NRXN3: variants seen among roughly 807,000 people sequenced by gnomAD.
The protein encoded by NRXN3 is neurexin 3.
NRXN3 carries 32 observed loss-of-function variants against 137.6 expected under a neutral mutation model. That is an observed-to-expected ratio of 0.23 (90% CI 0.18 to 0.31). NRXN3 has a LOEUF of 0.31. NRXN3 is among the 10% of genes least tolerant of loss of function. NRXN3 has a pLI of 1.00. For synonymous variants in NRXN3, 798 were observed against 784.5 expected (o/e 1.02, Z -0.29); for missense variants, 1,574 against 2,062.5 (o/e 0.76, Z 4.59).
At chr14:79,233,730 A>C (rs3886236) in intron 15 of NRXN3, among the ~76,000 whole-genome samples, 44,517 of 151,496 alleles carry the variant, frequency 0.29, 7,167 homozygotes, top group Middle Eastern at 0.44. Flanking sequence ...CGAGGATTAG[A>C]CTTAAATTTG....
chr14:78,675,389 A>T (rs951581436), intron 6 of NRXN3, among the ~76,000 whole-genome samples: 1 of 152,222 alleles, frequency 6.6e-6, no homozygotes, highest in African/African-American at 2.4e-5. Context: ...AGAGCCCATT[A>T]TATAGAAAGG....
At chr14:79,261,723 A>G (rs1408895657) in intron 15 of NRXN3, among the ~76,000 whole-genome samples, 1 of 151,664 alleles carries the variant, frequency 6.6e-6, no homozygotes, top group Non-Finnish European at 1.5e-5. Flanking sequence ...TCCAGAATAA[A>G]CTTCCTTCTT....
rs1393594020 is a variant in NRXN3, at chr14:79,864,672, T to A, written c.*2708T>A. Reference sequence around the variant, plus strand: ...GAGGGAGTGCATTTTTCTGGAAAGATGATAGAAACATTGTATTCTAGAAAA... The same window carrying A: ...GAGGGAGTGCATTTTTCTGGAAAGAAGATAGAAACATTGTATTCTAGAAAA... On this transcript the variant is annotated 3_prime_UTR_variant, in exon 21 of 21. Transcript: ENST00000335750. The A allele has an allele frequency of 6.6e-6, 1 of 152,198 alleles. No individual in the cohort carries two copies. The highest frequency in any genetic ancestry group is 1.5e-5 in the Non-Finnish European group (1 of 68,018). The allele number at this position is 152,198 out of a possible 1,614,324, so 9.4% of individuals were successfully genotyped here. A position where few individuals can be genotyped will look rare whatever the true frequency, so the allele number is the denominator to read the frequency against.
chr14:79,163,796 C>CA (rs1596659858), intron 15 of NRXN3, among the ~76,000 whole-genome samples: 2 of 151,864 alleles, frequency 1.3e-5, no homozygotes, highest in Non-Finnish European at 2.9e-5. Flanking sequence ...CAATGAACTG[C>CA]AAAAGGTGGT....
chr14:78,786,377 G>A (rs2098789386), intron 8 of NRXN3, among the ~76,000 whole-genome samples: 1 of 152,188 alleles, frequency 6.6e-6, no homozygotes, highest in African/African-American at 2.4e-5. Context: ...GCATCCAACA[G>A]TCATTCCAAT....
In NRXN3 at chr14:78,711,432, C is replaced by CTTTTTTTTTT. The variant is rs1254367279; in HGVS notation, c.1660+1778_1660+1779insTTTTTTTTTT. ...AGCTAAAGCACTGGCTAATTCTTTT[C>CTTTTTTTTTT]TCTTTTTTTTTTTTTTTTTTTTTTT... On this transcript the variant is annotated intron_variant, in intron 7 of 20. Coordinates refer to ENST00000335750, the MANE Select transcript of NRXN3 (RefSeq NM_001330195.2). 8.3e-4 allele frequency among the ~76,000 whole-genome samples: 86 copies of CTTTTTTTTTT among 103,158 alleles called. 1 individual carries two copies. The highest frequency in any genetic ancestry group is 1.0e-3 in the Non-Finnish European group (56 of 55,438). The allele number at this position is 103,158 out of a possible 152,430, so 67.7% of individuals were successfully genotyped here.
chr14:79,583,387 C>T (rs987567653), intron 16 of NRXN3, among the ~76,000 whole-genome samples: 61 of 152,144 alleles, frequency 4.0e-4, no homozygotes, highest in Non-Finnish European at 1.6e-4. Flanking sequence ...CACTTGCCCC[C>T]TTTTTGCAGA....
intron 15 of NRXN3, among the ~76,000 whole-genome samples, chr14:79,422,438 C>T (rs1471501724): frequency 6.6e-6 from 1 of 152,168 alleles, no homozygotes; most frequent in African/African-American, 2.4e-5. Context: ...TTGATGTTCA[C>T]TACCTTCATT....
At chr14:79,571,212 T>C (rs2097597802) in intron 16 of NRXN3, among the ~76,000 whole-genome samples, 1 of 152,200 alleles carries the variant, frequency 6.6e-6, no homozygotes, top group African/African-American at 2.4e-5. Flanking sequence ...GCTTAGTGAC[T>C]ATGAGAAGAC....
chr14:79,541,819 A>T (rs969037564), intron 16 of NRXN3, among the ~76,000 whole-genome samples: 1 of 152,210 alleles, frequency 6.6e-6, no homozygotes, highest in African/African-American at 2.4e-5. Context: ...GACACACATC[A>T]TGAGGAACCA....
chr14:79,372,943 C>T (rs1237756506), intron 15 of NRXN3, among the ~76,000 whole-genome samples: 2 of 151,996 alleles, frequency 1.3e-5, no homozygotes, highest in Admixed American at 6.6e-5. Context: ...TTTTGAGATA[C>T]CCATTAAGAT....
At chr14:79,833,105 A>G (rs1328287640) in intron 20 of NRXN3, among the ~76,000 whole-genome samples, 3 of 152,206 alleles carry the variant, frequency 2.0e-5, no homozygotes, top group African/African-American at 7.2e-5. Flanking sequence ...CTTTCCTAAT[A>G]GAAGCAAGCC....
At chr14:79,664,782 C>G (rs1218338827) in intron 17 of NRXN3, among the ~76,000 whole-genome samples, 6 of 152,100 alleles carry the variant, frequency 3.9e-5, no homozygotes, top group Non-Finnish European at 1.5e-5. Context: ...AAGGGACAAC[C>G]CTTCAGCAAA....
chr14:78,733,286 A>G (rs932355961), intron 8 of NRXN3, among the ~76,000 whole-genome samples: 1 of 152,156 alleles, frequency 6.6e-6, no homozygotes, highest in Non-Finnish European at 1.5e-5. Context: ...TTCAGGGCAC[A>G]GGTATCCTGT....
In NRXN3 at chr14:78,696,397, T is replaced by C. The variant is rs1164875987; in HGVS notation, c.1222-12820T>C. Among the ~76,000 whole-genome samples the C allele has an allele frequency of 2.6e-5, 4 of 152,000 alleles. No individual in the cohort carries two copies. The East Asian group carries it at 7.7e-4, about 29-fold the overall frequency. ...GTGCCAGGAGATATTCTAAGCATGT[T>C]ACATGTATTTAACCTTCTTATTCTC... On this transcript the variant is annotated intron_variant, in intron 6 of 20. Transcript: ENST00000335750.
chr14:78,843,264 C>A (rs867846426), intron 10 of NRXN3, among the ~76,000 whole-genome samples: 7 of 152,236 alleles, frequency 4.6e-5, no homozygotes, highest in Non-Finnish European at 7.4e-5. Flanking sequence ...TTCAGCTGGT[C>A]CCTCCATTCG....
At chr14:78,856,728 G>GTTTTATTTGT (rs2152507746) in intron 10 of NRXN3, among the ~76,000 whole-genome samples, 1 of 152,134 alleles carries the variant, frequency 6.6e-6, no homozygotes, top group South Asian at 2.1e-4. Flanking sequence ...CTTTCATGCT[G>GTTTTATTTGT]TTTTATTTGT....
At chr14:79,379,297 G>T (rs543798850) in intron 15 of NRXN3, among the ~76,000 whole-genome samples, 2 of 152,220 alleles carry the variant, frequency 1.3e-5, no homozygotes, top group East Asian at 3.9e-4. Flanking sequence ...GGTGTTTTCT[G>T]TTTAGTGAAG....
chr14:79,173,258 G>A (rs1050054201), intron 15 of NRXN3, among the ~76,000 whole-genome samples: 8 of 151,968 alleles, frequency 5.3e-5, no homozygotes, highest in African/African-American at 1.7e-4. Flanking sequence ...GGCCAGGCAC[G>A]GTGGCTCAAT....
Sources: gnomAD v4.1 joint callset for allele counts (sites outside exome capture counted in the v4.1 genomes callset) on GRCh38, gnomAD v4.1.1 for gene constraint, MANE v1.5 for transcripts, NCBI Gene and HGNC (gene_info 2026-07-23, HGNC 2026-07-21) for gene names.